Variants in EPHB1 observed in about 807,000 individuals in gnomAD.
EPHB1 encodes the protein EPH receptor B1, also known as ephrin type-B receptor 1.
EPHB1 carries 30 observed loss-of-function variants against 94.4 expected under a neutral mutation model. The ratio of observed to expected loss-of-function variants is 0.32; its 90% CI spans 0.24 to 0.43. The LOEUF is 0.43. EPHB1 is among the 20% of genes least tolerant of loss of function. The probability of loss-of-function intolerance (pLI) is 1.00; values close to 1 mark genes in which losing one functional copy is unlikely to be tolerated. For synonymous variants in EPHB1, 522 were observed against 489.1 expected (o/e 1.07, Z -0.89); for missense variants, 1,055 against 1,308.3 (o/e 0.81, Z 2.99).
At chr3:135,237,444 G>A (rs1428866209) in intron 12 of EPHB1, among the ~76,000 whole-genome samples, 1 of 152,140 alleles carries the variant, frequency 6.6e-6, no homozygotes, top group East Asian at 1.9e-4. Flanking sequence ...TGGAAGGTGT[G>A]TATGAAGTCT....
At chr3:135,050,846 C>T (rs1437185336) in intron 3 of EPHB1, among the ~76,000 whole-genome samples, 1 of 152,030 alleles carries the variant, frequency 6.6e-6, no homozygotes, top group Non-Finnish European at 1.5e-5. Context: ...GAGGCCTCAC[C>T]AGAAGCAGAT....
At chr3:135,115,425 T>G (rs552232154) in intron 4 of EPHB1, among the ~76,000 whole-genome samples, 16 of 152,332 alleles carry the variant, frequency 1.1e-4, no homozygotes, top group Admixed American at 4.6e-4. Flanking sequence ...GTGCGTCCTC[T>G]GTCCTCTGCC....
chr3:134,906,291 A>G (rs1309002534), intron 1 of EPHB1, among the ~76,000 whole-genome samples: 4 of 151,942 alleles, frequency 2.6e-5, no homozygotes, highest in Non-Finnish European at 4.4e-5. Context: ...CTGTAGGTAC[A>G]CTCTATTTAG....
chr3:135,154,476 C>A, intron 6 of EPHB1, 200 bp downstream of exon 6: 1 of 610,598 alleles, frequency 1.6e-6, no homozygotes. Flanking sequence ...TCTGTGCCAA[C>A]TAAGGAGAGA....
intron 1 of EPHB1, among the ~76,000 whole-genome samples, chr3:134,858,149 C>CCAT (rs71139558): frequency 0.027 from 3,963 of 148,392 alleles, 52 homozygotes; most frequent in East Asian, 0.046. Context: ...TTTTATTGTT[C>CCAT]CATCATCATC....
intron 3 of EPHB1, among the ~76,000 whole-genome samples, chr3:134,957,490 G>A (rs1032345415): frequency 6.6e-6 from 1 of 152,186 alleles, no homozygotes; most frequent in African/African-American, 2.4e-5. Context: ...AGGCCACCAG[G>A]AGGAAGGTAT....
Position 134,846,249 on chromosome 3 carries a change from A to G in EPHB1, c.58+50560A>G, listed in dbSNP as rs182904959. 8.0e-4 allele frequency among the ~76,000 whole-genome samples: 122 copies of G among 152,314 alleles called. 2 individuals are homozygous for G. The East Asian group carries it at 0.023, about 29-fold the overall frequency. ...AATTTTTCTTTGCAAATACAGACCC[A>G]TTTTAGAAGTTGAGTGCTCGGTGTT... is the stretch of plus-strand genomic sequence containing the variant. On this transcript the variant is annotated intron_variant, in intron 1 of 15. Transcript: ENST00000398015.
At chr3:134,930,801 C>T (rs992643376) in intron 2 of EPHB1, among the ~76,000 whole-genome samples, 11 of 152,198 alleles carry the variant, frequency 7.2e-5, no homozygotes, top group Non-Finnish European at 1.6e-4. Context: ...GGATGCTCCT[C>T]CCACCATGGC....
At chr3:135,252,202 TTAA>T (rs1181094650) in intron 15 of EPHB1, among the ~76,000 whole-genome samples, 5 of 151,584 alleles carry the variant, frequency 3.3e-5, no homozygotes, top group Admixed American at 3.3e-4. Flanking sequence ...TTTTTATTTT[TTAA>T]TATTTTTTAT....
chr3:135,239,315 C>A (rs1339792797), intron 12 of EPHB1, among the ~76,000 whole-genome samples: 1 of 151,878 alleles, frequency 6.6e-6, no homozygotes, highest in Non-Finnish European at 1.5e-5. Context: ...CTCGGGTTAA[C>A]CATTTTTACA....
chr3:135,162,324 A>G (rs1941532161), intron 7 of EPHB1, 144 bp downstream of exon 7: 1 of 960,772 alleles, frequency 1.0e-6, no homozygotes, highest in African/African-American at 1.7e-5. Flanking sequence ...GCCTCCCAGT[A>G]GGGCCATGTA....
At chr3:135,139,247 T>C (rs888879423) in intron 5 of EPHB1, among the ~76,000 whole-genome samples, 10 of 152,218 alleles carry the variant, frequency 6.6e-5, no homozygotes, top group African/African-American at 2.4e-4. Context: ...TCCTCCACTG[T>C]GGCTCCTTGC....
intron 12 of EPHB1, among the ~76,000 whole-genome samples, chr3:135,208,112 C>A (rs1942945939): frequency 6.6e-6 from 1 of 152,154 alleles, no homozygotes; most frequent in Non-Finnish European, 1.5e-5. Context: ...GCAGCATATA[C>A]AAAGGCCCTG....
At chr3:135,102,098 C>T (rs1244996444) in intron 3 of EPHB1, among the ~76,000 whole-genome samples, 2 of 152,228 alleles carry the variant, frequency 1.3e-5, no homozygotes, top group Non-Finnish European at 2.9e-5. Flanking sequence ...TAAAGGAACT[C>T]CTGAGTTTTG....
intron 9 of EPHB1, among the ~76,000 whole-genome samples, chr3:135,169,696 G>A (rs981903777): frequency 2.0e-5 from 3 of 152,156 alleles, no homozygotes; most frequent in Non-Finnish European, 2.9e-5. Context: ...AGGGGTTAGG[G>A]AACTCCCTAC....
chr3:134,799,003 G>T (rs1028739364), intron 1 of EPHB1, among the ~76,000 whole-genome samples: 1 of 152,184 alleles, frequency 6.6e-6, no homozygotes, highest in African/African-American at 2.4e-5. Flanking sequence ...TGAAGTCCTG[G>T]CCCTGGCACC....
At chr3:134,805,154 C>G (rs528528638) in intron 1 of EPHB1, among the ~76,000 whole-genome samples, 3 of 152,156 alleles carry the variant, frequency 2.0e-5, no homozygotes, top group Non-Finnish European at 4.4e-5. Context: ...GGTGGTTTCA[C>G]GTGAATTCTT....
intron 3 of EPHB1, among the ~76,000 whole-genome samples, chr3:135,053,027 G>GTGTGTGTATATATA (rs1256844091): frequency 1.8e-5 from 2 of 110,464 alleles, no homozygotes; most frequent in South Asian, 2.9e-4. Context: ...GTGTGTGTGT[G>GTGTGTGTATATATA]TATATATATA....
At chr3:135,236,044 A>G (rs1943644378) in intron 12 of EPHB1, among the ~76,000 whole-genome samples, 3 of 152,206 alleles carry the variant, frequency 2.0e-5, no homozygotes, top group South Asian at 2.1e-4. Flanking sequence ...TATATACTCA[A>G]TGTATTAGTT....
Sources: allele counts gnomAD v4.1 joint callset (sites outside exome capture counted in the v4.1 genomes callset), GRCh38; gene constraint gnomAD v4.1.1; transcripts MANE v1.5; gene names NCBI Gene and HGNC (gene_info 2026-07-23, HGNC 2026-07-21).